Variants in RASL11A observed in about 807,000 individuals in gnomAD.
The protein encoded by RASL11A is RAS like family 11 member A.
A neutral mutation model predicts 17.1 loss-of-function variants in RASL11A; 14 were observed. The observed-to-expected ratio is 0.82, with a 90% CI of 0.54 to 1.28. The LOEUF (loss-of-function observed/expected upper bound fraction) is 1.28. Among genes scored for constraint, RASL11A ranks in the 50% most tolerant of loss-of-function variants. The probability of loss-of-function intolerance (pLI) is 0.00; values close to 1 mark genes in which losing one functional copy is unlikely to be tolerated. For synonymous variants in RASL11A, 146 were observed against 132.5 expected (o/e 1.10, Z -0.70); for missense variants, 283 against 312.3 (o/e 0.91, Z 0.71).
At chr13:27,272,124 C>A (rs914819806) in intron 3 of RASL11A, among the ~76,000 whole-genome samples, 1 of 152,180 alleles carries the variant, frequency 6.6e-6, no homozygotes, top group Non-Finnish European at 1.5e-5. Context: ...CTGGCAAGCT[C>A]TGCTTTTTTT....
intron 3 of RASL11A, 49 bp downstream of exon 3, chr13:27,271,767 C>A (rs1372130414): frequency 1.3e-6 from 2 of 1,481,860 alleles, no homozygotes; most frequent in Admixed American, 2.0e-5. Flanking sequence ...TGAGACCACC[C>A]CAGTGGGCAC....
rs1690983794 is a variant in RASL11A at position 27,274,021 on chromosome 13, T to G, written c.*527T>G. ...ACTGTGTGATTTTCAAGGGAAGGGG[T>G]ACAATGCTAAAACGTTACAAGCCAT... is the stretch of plus-strand genomic sequence containing the variant. On this transcript the variant is annotated 3_prime_UTR_variant, in exon 4 of 4. Transcript: ENST00000241463. Among the ~76,000 whole-genome samples, 3 of 152,060 alleles carry G rather than the reference T, an allele frequency of 2.0e-5. No individual in the cohort carries two copies. In the South Asian group the frequency reaches 6.2e-4, roughly 32 times the overall value.
At position 27,271,507 on chromosome 13, in the gene RASL11A, A is replaced by G; in HGVS notation, c.148A>G (p.Lys50Glu). The change falls in exon 2 of 4, where the codon AAG becomes GAG. Residue 50 changes from lysine to glutamate, a missense_variant. Lys to Glu is a moderately conservative substitution (Grantham distance 56). Transcript: ENST00000241463. ...KSAMIVRFLT[K>E]RFIGDYEPNT... ...AGCAATGATCGTGCGCTTCCTGACC[A>G]AGAGATTCATTGGAGACTATGAACC... The G allele has an allele frequency of 1.2e-6, 2 of 1,614,242 alleles. No homozygotes were observed. Among genetic ancestry groups the G allele is most frequent in the Non-Finnish European group, 8.5e-7 (1 of 1,180,036 alleles).
rs369238238 is a variant in RASL11A, at chr13:27,271,571, T to C, written c.181+31T>C. On this transcript the variant is annotated intron_variant, in intron 2 of 3. Coordinates refer to ENST00000241463, the MANE Select transcript of RASL11A (RefSeq NM_206827.2). ...AATACTTTCACGCTCCCTGCTTTTA[T>C]GCTTGCGTGTTTCTTTTTACGGATG... 7.4e-6 allele frequency: 12 copies of C among 1,613,702 alleles called. No homozygotes were observed. The African/African-American group carries it at 1.2e-4, about 16-fold the overall frequency.
Position 27,271,088 on chromosome 13 carries a change from C to T in RASL11A, c.124+20C>T, listed in dbSNP as rs1411571957. ...AGAGCGGTGAGTGCGGCGGGGACCC[C>T]CGGGCGGCTTCGCTCCCCGGCTCCG... On this transcript the variant is annotated intron_variant, in intron 1 of 3. Transcript: ENST00000241463. 6.5e-7 allele frequency: 1 copy of T among 1,549,484 alleles called. No individual in the cohort carries two copies. Among genetic ancestry groups the T allele is most frequent in the African/African-American group, 1.4e-5 (1 of 72,542 alleles).
chr13:27,270,877 C>T lies in RASL11A; in HGVS notation c.-68C>T. 2.6e-6 allele frequency: 4 copies of T among 1,533,636 alleles called. No homozygotes were observed. Among genetic ancestry groups the T allele is most frequent in the South Asian group, 1.2e-5 (1 of 81,356 alleles). On this transcript the variant is annotated 5_prime_UTR_variant, in exon 1 of 4. Coordinates refer to ENST00000241463, the MANE Select transcript of RASL11A (RefSeq NM_206827.2). ...CCTCTAGTCCCGCACTCCCAGCTGG[C>T]GAGCCGGCTCCGGGTGCGGCGAGGC...
In RASL11A at chr13:27,274,990, CAT is replaced by C. The variant is rs1461516839; in HGVS notation, c.*1499_*1500del. Among the ~76,000 whole-genome samples the C allele has an allele frequency of 6.6e-6, 1 of 152,154 alleles. No homozygotes were observed. The highest frequency in any genetic ancestry group is 6.5e-5 in the Admixed American group (1 of 15,284). ...GATAGCTGTGGTGGAAAGGGACTGA[CAT>C]ATGCAGCTTCTGGCAATCACAGACC... On this transcript the variant is annotated 3_prime_UTR_variant, in exon 4 of 4. Transcript: ENST00000241463.
intron 3 of RASL11A, among the ~76,000 whole-genome samples, chr13:27,272,058 A>C (rs923238741): frequency 2.0e-5 from 3 of 152,108 alleles, no homozygotes; most frequent in Non-Finnish European, 4.4e-5. Flanking sequence ...CGTTTAAAAC[A>C]AAACAAAACA....
In RASL11A at chr13:27,273,604, AT is replaced by A; in HGVS notation, c.*114del. 1.4e-6 allele frequency: 1 copy of A among 728,364 alleles called. No homozygotes were observed. The highest frequency in any genetic ancestry group is 1.9e-5 in the African/African-American group (1 of 53,644). 45.1% of individuals were successfully genotyped at this position (728,364 alleles called of 1,614,324 possible). On this transcript the variant is annotated 3_prime_UTR_variant, in exon 4 of 4. Transcript: ENST00000241463. ...AGAGTTTATTTTTATAAAAAAATTG[AT>A]TTTCAAGTACATGTGTATTTCTGAA...
chr13:27,273,379 A>G lies in RASL11A; in HGVS notation c.614A>G (p.Glu205Gly). Reference sequence around the variant, plus strand: ...AGCAAGATGCACGGCCTCAGTGGGGAAAGAAGAAGAGCCTCCATCATCCCT... The same window carrying G: ...AGCAAGATGCACGGCCTCAGTGGGGGAAGAAGAAGAGCCTCCATCATCCCT... ...EVSKMHGLSGERRRASIIPRP... is the reference protein window; with the variant it reads ...EVSKMHGLSGGRRRASIIPRP... The change falls in exon 4 of 4, where the codon GAA (glutamate) becomes GGA (glycine). Residue 205 changes from glutamate to glycine, a missense_variant. Transcript: ENST00000241463. The G allele has an allele frequency of 2.5e-6, 4 of 1,614,238 alleles. No individual in the cohort carries two copies. Among genetic ancestry groups the G allele is most frequent in the African/African-American group, 2.7e-5 (2 of 75,058 alleles).
Position 27,273,690 on chromosome 13 carries a change from C to CATT in RASL11A, c.*196_*197insATT. On this transcript the variant is annotated 3_prime_UTR_variant, in exon 4 of 4. Coordinates refer to ENST00000241463, the MANE Select transcript of RASL11A (RefSeq NM_206827.2). ...ATTTTGTTTTGTTTTATTAAAAGAA[C>CATT]TTTTTTTTTTTTTTTTTTTTTTTTT... The CATT allele has an allele frequency of 1.4e-5, 1 of 70,918 alleles. No individual in the cohort carries two copies. Among genetic ancestry groups the CATT allele is most frequent in the Non-Finnish European group, 2.6e-5 (1 of 39,110 alleles). 4.4% of individuals were successfully genotyped at this position (70,918 alleles called of 1,614,324 possible).
chr13:27,271,364 C>A, intron 1 of RASL11A, 120 bp from the exon 2 acceptor site: 2 of 1,530,228 alleles, frequency 1.3e-6, no homozygotes, highest in South Asian at 1.2e-5. Context: ...CTTTGCGGAG[C>A]CTCTGGAAGC....
At chr13:27,271,445 G>C in intron 1 of RASL11A, 39 bp from the exon 2 acceptor site, 1 of 1,612,898 alleles carries the variant, frequency 6.2e-7, no homozygotes, top group Non-Finnish European at 8.5e-7. Flanking sequence ...TGACAGGCTT[G>C]TTCTACTCCT....
chr13:27,271,093 C>T, intron 1 of RASL11A, 25 bp downstream of exon 1: 6 of 1,546,196 alleles, frequency 3.9e-6, no homozygotes, highest in South Asian at 1.2e-5. Context: ...GACCCCCGGG[C>T]GGCTTCGCTC....
In RASL11A at chr13:27,273,057, T is replaced by TC; in HGVS notation, c.295dup (p.Leu99ProfsTer21). 1 of 1,614,162 alleles carries TC rather than the reference T, an allele frequency of 6.2e-7. No individual in the cohort carries two copies. Among genetic ancestry groups the TC allele is most frequent in the Non-Finnish European group, 8.5e-7 (1 of 1,179,980 alleles). On this transcript the variant is annotated frameshift_variant, in exon 4 of 4. Coordinates refer to ENST00000241463, the MANE Select transcript of RASL11A (RefSeq NM_206827.2). LOFTEE classifies it high-confidence loss of function. ...AGACAGCCTCCCCCAGGTCGTCGAT[T>TC]CCCTGTCCAAATGCGTGCAGTGGGC...
At chr13:27,271,873 G>T (rs1882303633) in intron 3 of RASL11A, among the ~76,000 whole-genome samples, 155 bp downstream of exon 3, 1 of 152,140 alleles carries the variant, frequency 6.6e-6, no homozygotes, top group Admixed American at 6.5e-5. Context: ...CCACAGGTGG[G>T]GCCAGTGGTT....
intron 1 of RASL11A, 193 bp from the exon 2 acceptor site, chr13:27,271,291 G>A: frequency 2.8e-6 from 4 of 1,453,166 alleles, no homozygotes; most frequent in Non-Finnish European, 3.6e-6. Context: ...CGCCTGTTCG[G>A]GGATGGGGTG....
At position 27,273,800 on chromosome 13, in the gene RASL11A, A is replaced by C. The variant is rs1043527358; in HGVS notation, c.*306A>C. 3.9e-6 allele frequency: 1 copy of C among 257,740 alleles called. No homozygotes were observed. Among genetic ancestry groups the C allele is most frequent in the South Asian group, 5.6e-5 (1 of 17,734 alleles). 16.0% of individuals were successfully genotyped at this position (257,740 alleles called of 1,614,324 possible). A position where few individuals can be genotyped will look rare whatever the true frequency, so the allele number is the denominator to read the frequency against. ...GTTTTCTCAATGTCTTTTTATAGAA[A>C]TTGTACTTGCACCAGCGCCCAGTGC... is the stretch of plus-strand genomic sequence containing the variant. On this transcript the variant is annotated 3_prime_UTR_variant, in exon 4 of 4. Transcript: ENST00000241463.
At position 27,273,238 on chromosome 13, in the gene RASL11A, A is replaced by G; in HGVS notation, c.473A>G (p.Gln158Arg). ...KGDLLHARQV[Q>R]TQDGIQLANE... ...GACCTTTTGCATGCCCGGCAGGTGC[A>G]GACACAGGACGGTATTCAGCTAGCC... Residue 158 changes from glutamine to arginine, a missense_variant, in exon 4 of 4, where the codon CAG (glutamine) becomes CGG (arginine). Transcript: ENST00000241463. 6.2e-7 allele frequency: 1 copy of G among 1,614,252 alleles called. No homozygotes were observed. The highest frequency in any genetic ancestry group is 1.3e-5 in the African/African-American group (1 of 75,068).
Sources: allele counts gnomAD v4.1 joint callset (sites outside exome capture counted in the v4.1 genomes callset), GRCh38; gene constraint gnomAD v4.1.1; transcripts MANE v1.5; gene names NCBI Gene and HGNC (gene_info 2026-07-23, HGNC 2026-07-21).